Variants in EPC2 observed in about 807,000 individuals in gnomAD.
The protein encoded by EPC2 is enhancer of polycomb homolog 2.
Under a neutral mutation model 92.1 loss-of-function variants are expected in EPC2, and 14 were observed. The observed-to-expected ratio is 0.15, with a 90% CI of 0.10 to 0.24. The LOEUF is 0.24. Ranked by LOEUF, EPC2 falls within the 10% of genes least tolerant of loss-of-function variation. The pLI is 1.00. For missense variants in EPC2, 755 were observed against 971.5 expected, an observed-to-expected ratio of 0.78 and a Z score of 2.96; for synonymous variants, 340 against 334.7, an observed-to-expected ratio of 1.02 and a Z score of -0.17.
At chr2:148,712,461 A>T (rs760474858) in intron 2 of EPC2, among the ~76,000 whole-genome samples, 10 of 152,220 alleles carry the variant, frequency 6.6e-5, no homozygotes, top group Non-Finnish European at 1.3e-4. Flanking sequence ...TTGATCAATG[A>T]TGAACCACAT....
At chr2:148,719,420 T>C (rs1192803975) in intron 2 of EPC2, among the ~76,000 whole-genome samples, 2 of 152,210 alleles carry the variant, frequency 1.3e-5, no homozygotes, top group Non-Finnish European at 2.9e-5. Flanking sequence ...TGGGTGGTAT[T>C]TTGTGGTTTT....
intron 2 of EPC2, among the ~76,000 whole-genome samples, chr2:148,739,803 T>G (rs1370868904): frequency 6.6e-6 from 1 of 150,930 alleles, no homozygotes; most frequent in Non-Finnish European, 1.5e-5. Flanking sequence ...TTATTTTTCT[T>G]TTCTTTCTTC....
chr2:148,771,298 C>A lies in EPC2; in HGVS notation c.1631C>A (p.Thr544Asn), dbSNP rs771636079. 8.1e-6 allele frequency: 13 copies of A among 1,613,940 alleles called. No individual in the cohort carries two copies. In the South Asian group the frequency reaches 1.4e-4, roughly 18 times the overall value. ...CAGGACAGTGATAGTGAAGAATGTA[C>A]CTCAAGAAAACCAGGGCAGACTGTG... ...NLQDSDSEECTSRKPGQTVNN... is the reference protein window; with the variant it reads ...NLQDSDSEECNSRKPGQTVNN... Residue 544 changes from threonine (T) to asparagine (N), a missense_variant, in exon 10 of 14, where the codon ACC (threonine) becomes AAC (asparagine). Transcript: ENST00000258484.
chr2:148,735,437 CT>C (rs1388874345), intron 2 of EPC2, among the ~76,000 whole-genome samples: 3 of 151,874 alleles, frequency 2.0e-5, no homozygotes, highest in Non-Finnish European at 2.9e-5. Context: ...CTTTTCCTAT[CT>C]TTGGGTCCAT....
Position 148,784,923 on chromosome 2 carries a change from TA to T in EPC2, c.2277del (p.Lys759AsnfsTer24). 6.3e-7 allele frequency: 1 copy of T among 1,580,178 alleles called. No individual in the cohort carries two copies. The highest frequency in any genetic ancestry group is 8.6e-7 in the Non-Finnish European group (1 of 1,162,142). ...ACTTCAGCACCATCGCCAACAGCCT[TA>T]AAACTTGCCACAGTTGCTGCCAGTA... is the stretch of plus-strand genomic sequence containing the variant. ...TRTSAPSPTA[L>X]KLATVAASMD... On this transcript the variant is annotated frameshift_variant, in exon 13 of 14. Coordinates refer to ENST00000258484, the MANE Select transcript of EPC2 (RefSeq NM_015630.4). LOFTEE classifies it high-confidence loss of function.
At chr2:148,710,192 A>G (rs1682106610) in intron 2 of EPC2, among the ~76,000 whole-genome samples, 1 of 152,252 alleles carries the variant, frequency 6.6e-6, no homozygotes. Context: ...GGCAAAGGAT[A>G]TGAACAGACA....
chr2:148,743,633 G>A lies in EPC2; in HGVS notation c.325G>A (p.Asp109Asn). Residue 109 changes from aspartate (D) to asparagine (N), a missense_variant, in exon 3 of 14, where the codon GAC becomes AAC. Asp to Asn is a conservative substitution (Grantham distance 23). Around this residue, in one of 4 missense-constraint regions of EPC2, gnomAD observed 509 missense variants for 607.7 expected, o/e 0.84. Transcript: ENST00000258484. ...QFIHIQPFNL[D>N]NEQPDYDMDS... ...TCTTTCTTTTCTAGCTTTTAATCTA[G>A]ACAACGAGCAACCAGATTATGATAT... 6.4e-7 allele frequency: 1 copy of A among 1,573,724 alleles called. No individual in the cohort carries two copies.
chr2:148,734,470 G>T (rs574785521), intron 2 of EPC2, among the ~76,000 whole-genome samples: 2 of 151,854 alleles, frequency 1.3e-5, no homozygotes, highest in Non-Finnish European at 2.9e-5. Context: ...CGATTATTAA[G>T]AACGTTAATA....
At chr2:148,724,726 T>C (rs898180090) in intron 2 of EPC2, among the ~76,000 whole-genome samples, 3 of 152,080 alleles carry the variant, frequency 2.0e-5, no homozygotes, top group African/African-American at 7.2e-5. Context: ...ATTTGGCCAC[T>C]TTTTTGGGAG....
chr2:148,744,842 G>C (rs1050550844), intron 3 of EPC2, among the ~76,000 whole-genome samples: 1 of 151,760 alleles, frequency 6.6e-6, no homozygotes, highest in Non-Finnish European at 1.5e-5. Context: ...TTTTACAGTA[G>C]ATTGTTAAAA....
chr2:148,677,881 G>C (rs370836038), intron 1 of EPC2, among the ~76,000 whole-genome samples: 1 of 152,134 alleles, frequency 6.6e-6, no homozygotes, highest in Non-Finnish European at 1.5e-5. Context: ...AGACCTTCAC[G>C]GTGAGTGTTA....
chr2:148,743,224 GT>G (rs1327495097), intron 2 of EPC2, among the ~76,000 whole-genome samples: 1 of 151,606 alleles, frequency 6.6e-6, no homozygotes, highest in African/African-American at 2.4e-5. Flanking sequence ...TTAGATACCT[GT>G]TTTATCCTCA....
rs1031685519 is a variant in EPC2, at chr2:148,783,719, T to C, written c.1980T>C (p.Thr660=). 6.3e-7 allele frequency: 1 copy of C among 1,592,910 alleles called. No individual in the cohort carries two copies. Among genetic ancestry groups the C allele is most frequent in the Non-Finnish European group, 8.6e-7 (1 of 1,168,772 alleles). ...SRSEVAKEQN[T]GHNNINGVVQ... is the part of the protein sequence containing the mutation. ...GTGAGGTAGCCAAGGAACAGAACAC[T>C]GGCCACAACAACATAAACGGTGTTG... Residue 660 remains threonine, a synonymous_variant, in exon 12 of 14, where the codon ACT becomes ACC. Coordinates refer to ENST00000258484, the MANE Select transcript of EPC2 (RefSeq NM_015630.4).
At chr2:148,762,585 T>G (rs1445229192) in intron 5 of EPC2, 85 bp from the exon 6 acceptor site, 2 of 968,462 alleles carry the variant, frequency 2.1e-6, no homozygotes, top group African/African-American at 3.3e-5. Flanking sequence ...ACTAGGTGAC[T>G]TCCAATTAAT....
chr2:148,743,125 G>A (rs2105407175), intron 2 of EPC2, among the ~76,000 whole-genome samples: 1 of 152,098 alleles, frequency 6.6e-6, no homozygotes, highest in South Asian at 2.1e-4. Flanking sequence ...TGTTGAATAT[G>A]TCACTTACTG....
At chr2:148,782,833 G>A (rs949037956) in intron 11 of EPC2, among the ~76,000 whole-genome samples, 1 of 152,118 alleles carries the variant, frequency 6.6e-6, no homozygotes, top group African/African-American at 2.4e-5. Context: ...TAAACCTTGC[G>A]TTTTAGGTCT....
intron 7 of EPC2, among the ~76,000 whole-genome samples, chr2:148,765,811 G>A (rs1271505042): frequency 6.6e-6 from 1 of 152,170 alleles, no homozygotes; most frequent in East Asian, 1.9e-4. Flanking sequence ...GCCGAGGCAG[G>A]CGGATCACAA....
intron 1 of EPC2, among the ~76,000 whole-genome samples, chr2:148,684,680 C>A (rs561085702): frequency 6.6e-6 from 1 of 152,344 alleles, no homozygotes; most frequent in South Asian, 2.1e-4. Flanking sequence ...CTCAAACTTT[C>A]CTCTACAGCG....
chr2:148,716,343 G>A (rs1682260885), intron 2 of EPC2, among the ~76,000 whole-genome samples: 1 of 152,114 alleles, frequency 6.6e-6, no homozygotes, highest in African/African-American at 2.4e-5. Context: ...TGCCCATTCA[G>A]TATGTTATTG....
Sources: allele counts gnomAD v4.1 joint callset (sites outside exome capture counted in the v4.1 genomes callset), GRCh38; gene constraint gnomAD v4.1.1; regional missense constraint gnomAD v4.1.1; transcripts MANE v1.5; gene names NCBI Gene and HGNC (gene_info 2026-07-23, HGNC 2026-07-21).